Variants in EPM2A observed in about 807,000 individuals in gnomAD.
EPM2A encodes the protein EPM2A glucan phosphatase, laforin.
In EPM2A, 21 loss-of-function variants were observed where a neutral mutation model predicts 26.5. That is an observed-to-expected ratio of 0.79 (90% CI 0.56 to 1.14). The LOEUF is 1.14. Among genes scored for constraint, EPM2A ranks in the 50% most tolerant of loss-of-function variants. The pLI, the probability that EPM2A is intolerant of heterozygous loss-of-function variation, is 0.00. For synonymous variants in EPM2A, 217 were observed against 177.6 expected (o/e 1.22, Z -1.76); for missense variants, 458 against 440.8 (o/e 1.04, Z -0.35).
At chr6:145,473,589 C>T (rs530968275) in intron 4 of EPM2A, among the ~76,000 whole-genome samples, 16 of 152,024 alleles carry the variant, frequency 1.1e-4, no homozygotes, top group East Asian at 1.9e-4. Flanking sequence ...CAGATTTAAT[C>T]CAAAGATGAC....
intron 2 of EPM2A, among the ~76,000 whole-genome samples, chr6:145,549,437 T>C (rs548875211): frequency 6.6e-6 from 1 of 152,276 alleles, no homozygotes; most frequent in Admixed American, 6.5e-5. Context: ...GTCAGAATTT[T>C]ATTTACATAC....
chr6:145,656,924 TTA>T (rs372550575), intron 2 of EPM2A, among the ~76,000 whole-genome samples: 223 of 152,286 alleles, frequency 1.5e-3, no homozygotes, highest in African/African-American at 5.1e-3. Context: ...CTCTTTGCTT[TTA>T]TGTTTATTTA....
chr6:145,385,050 G>T (rs1778240565), intron 4 of EPM2A, among the ~76,000 whole-genome samples: 2 of 147,662 alleles, frequency 1.4e-5, no homozygotes, highest in Admixed American at 1.4e-4. Context: ...ATGAATAAAG[G>T]TTTTTCAGAT....
At chr6:145,700,283 C>A (rs1562501433) in intron 1 of EPM2A, among the ~76,000 whole-genome samples, 1 of 152,052 alleles carries the variant, frequency 6.6e-6, no homozygotes, top group Non-Finnish European at 1.5e-5. Context: ...TTCTAATAAT[C>A]TTTAATGTTG....
rs141372194 is a variant in EPM2A, at chr6:145,545,878, G to A, written c.341-43303C>T. 3.3e-4 allele frequency among the ~76,000 whole-genome samples: 50 copies of A among 152,030 alleles called. 1 individual carries two copies. The East Asian group carries it at 4.7e-3, about 14-fold the overall frequency. ...CAACTTTCCTTCCCTTTTTCTTCGC[G>A]TACACTTAGATCTGAAGGGTGTCAC... is the stretch of plus-strand genomic sequence containing the variant. On this transcript the variant is annotated intron_variant, in intron 2 of 3. Transcript: ENST00000450221.
intron 2 of EPM2A, among the ~76,000 whole-genome samples, chr6:145,683,735 G>T (rs1780721580): frequency 6.6e-6 from 1 of 152,132 alleles, no homozygotes; most frequent in African/African-American, 2.4e-5. Flanking sequence ...TGGGGCGGAG[G>T]AAGTATGCAG....
At position 145,735,517 on chromosome 6, in the gene EPM2A, G is replaced by T. The variant is rs1776827029; in HGVS notation, c.-19C>A. The T allele has an allele frequency of 1.4e-5, 16 of 1,180,264 alleles. No individual in the cohort carries two copies. Among genetic ancestry groups the T allele is most frequent in the South Asian group, 8.1e-5 (2 of 24,750 alleles). 73.1% of individuals were successfully genotyped at this position (1,180,264 alleles called of 1,614,324 possible). A position where few individuals can be genotyped will look rare whatever the true frequency, so the allele number is the denominator to read the frequency against. ...AGCGCATGGCGGGCGGCGGCGGCGC[G>T]AATACCCGGGCCCGGAGTCCCCGCG... On this transcript the variant is annotated 5_prime_UTR_variant, in exon 1 of 4. Transcript: ENST00000367519.
chr6:145,513,343 C>A (rs549183358), intron 2 of EPM2A, among the ~76,000 whole-genome samples: 1 of 152,028 alleles, frequency 6.6e-6, no homozygotes, highest in Non-Finnish European at 1.5e-5. Context: ...CAAATTAAAA[C>A]TACACCAAGA....
At chr6:145,636,700 T>C (rs1776711663) in intron 2 of EPM2A, 2 of 151,904 alleles carry the variant, frequency 1.3e-5, no homozygotes, top group South Asian at 2.1e-4. Context: ...GAGGCGGGGA[T>C]TGCTTGAGGC....
intron 1 of EPM2A, among the ~76,000 whole-genome samples, chr6:145,691,649 G>A (rs529430182): frequency 1.3e-5 from 2 of 151,948 alleles, no homozygotes; most frequent in African/African-American, 4.8e-5. Context: ...AAGGACAAAC[G>A]AATGAAAAAG....
intron 2 of EPM2A, among the ~76,000 whole-genome samples, chr6:145,573,813 G>A (rs6912079): frequency 0.35 from 53,197 of 151,660 alleles, 9,886 homozygotes; most frequent in South Asian, 0.51. Context: ...CCGGAGACCC[G>A]CTGGACTTAC....
intron 2 of EPM2A, among the ~76,000 whole-genome samples, chr6:145,617,479 G>A (rs367909307): frequency 1.3e-5 from 2 of 152,032 alleles, no homozygotes; most frequent in East Asian, 1.9e-4. Context: ...CTAAATACTA[G>A]TATTATATAG....
At chr6:145,615,494 C>T (rs1055625397) in intron 2 of EPM2A, among the ~76,000 whole-genome samples, 1 of 151,778 alleles carries the variant, frequency 6.6e-6, no homozygotes, top group Non-Finnish European at 1.5e-5. Context: ...TACCAATTTA[C>T]AGTATTAGTA....
chr6:145,525,593 T>G (rs454370), intron 2 of EPM2A, among the ~76,000 whole-genome samples: 67,808 of 151,826 alleles, frequency 0.45, 15,172 homozygotes, highest in South Asian at 0.58. Context: ...TTGGCTCTCA[T>G]CTTAAACACT....
chr6:145,461,681 T>C (rs528687047), intron 4 of EPM2A, among the ~76,000 whole-genome samples: 1 of 152,224 alleles, frequency 6.6e-6, no homozygotes, highest in Non-Finnish European at 1.5e-5. Context: ...ATAAAGTCTC[T>C]GAAAAGACCA....
intron 3 of EPM2A, chr6:145,502,515 C>T (rs954240220): frequency 3.0e-5 from 14 of 469,894 alleles, no homozygotes; most frequent in African/African-American, 2.2e-4. Flanking sequence ...GGTGCATACT[C>T]ACTCACCTGC....
downstream of EPM2A, among the ~76,000 whole-genome samples, chr6:145,624,577 T>C (rs1775707234): frequency 6.6e-6 from 1 of 152,194 alleles, no homozygotes; most frequent in Admixed American, 6.5e-5. Context: ...AAAAGTCATT[T>C]GATGTCTGTG....
intron 4 of EPM2A, among the ~76,000 whole-genome samples, chr6:145,443,266 G>T (rs1386566152): frequency 6.6e-6 from 1 of 152,150 alleles, no homozygotes; most frequent in Non-Finnish European, 1.5e-5. Context: ...GTTCCGTGAA[G>T]AATGACATTG....
At chr6:145,414,370 C>T (rs963609120) in intron 4 of EPM2A, among the ~76,000 whole-genome samples, 1 of 151,820 alleles carries the variant, frequency 6.6e-6, no homozygotes, top group Non-Finnish European at 1.5e-5. Context: ...GGAATATGCA[C>T]AGGCACACAT....
Sources: allele counts gnomAD v4.1 joint callset (sites outside exome capture counted in the v4.1 genomes callset), GRCh38; gene constraint gnomAD v4.1.1; transcripts MANE v1.5; gene names NCBI Gene and HGNC (gene_info 2026-07-23, HGNC 2026-07-21).